The following LEMD1 variants were observed in gnomAD, a reference collection of about 807,000 sequenced individuals.
LEMD1 encodes the protein LEM domain-containing protein 1.
Under a neutral mutation model 17.4 loss-of-function variants are expected in LEMD1, and 18 were observed. That is an observed-to-expected ratio of 1.04 (90% CI 0.72 to 1.54). The LOEUF is 1.54. Among genes scored for constraint, LEMD1 ranks in the 40% most tolerant of loss-of-function variants. The probability of loss-of-function intolerance (pLI) is 0.00; values close to 1 mark genes in which losing one functional copy is unlikely to be tolerated. For synonymous variants in LEMD1, 88 were observed against 77.8 expected, an observed-to-expected ratio of 1.13 and a Z score of -0.69; for missense variants, 195 against 210.4, an observed-to-expected ratio of 0.93 and a Z score of 0.45.
At chr1:205,434,453 C>A (rs1666173949) in intron 1 of LEMD1, among the ~76,000 whole-genome samples, 1 of 151,776 alleles carries the variant, frequency 6.6e-6, no homozygotes, top group Non-Finnish European at 1.5e-5. Context: ...CCTACCTTGG[C>A]CTCACAGGCA....
intron 4 of LEMD1, among the ~76,000 whole-genome samples, chr1:205,414,427 A>AC (rs1183616202): frequency 6.6e-6 from 1 of 151,258 alleles, no homozygotes; most frequent in Non-Finnish European, 1.5e-5. Context: ...CTACAAAAAA[A>AC]AAAAAAGTTT....
intron 1 of LEMD1, chr1:205,437,587 A>G (rs1029743447): frequency 1.3e-5 from 2 of 151,890 alleles, no homozygotes; most frequent in African/African-American, 4.8e-5. Flanking sequence ...ACTTCCATCC[A>G]CCCTCCAGAT....
chr1:205,391,566 T>G (rs1664335201), intron 4 of LEMD1, among the ~76,000 whole-genome samples: 1 of 152,118 alleles, frequency 6.6e-6, no homozygotes, highest in Admixed American at 6.5e-5. Context: ...CCAAGATGCA[T>G]GAGAAGCCTG....
chr1:205,445,288 G>A lies in LEMD1; in HGVS notation c.-39+4580C>T, dbSNP rs73072317. On this transcript the variant is annotated intron_variant, in intron 1 of 3. Transcript: ENST00000367154. ...TCTGGGAACTGTAGTCTACAAGACCGTGTTGATAAACAGGCAGGCCAGGGG... is the reference window on the plus strand; with the variant it reads ...TCTGGGAACTGTAGTCTACAAGACCATGTTGATAAACAGGCAGGCCAGGGG... Among the ~76,000 whole-genome samples, 1,391 of 152,258 alleles carry A rather than the reference G, an allele frequency of 9.1e-3. 23 individuals are homozygous for A. The highest frequency in any genetic ancestry group is 0.03 in the African/African-American group (1,249 of 41,546).
At chr1:205,420,375 C>A in intron 2 of LEMD1, 80 bp downstream of exon 2, 1 of 1,054,746 alleles carries the variant, frequency 9.5e-7, no homozygotes, top group East Asian at 2.4e-5. Context: ...AATGGCTTTA[C>A]TGCATATGTT....
At chr1:205,403,191 G>T (rs1282849182) in intron 4 of LEMD1, among the ~76,000 whole-genome samples, 1 of 152,106 alleles carries the variant, frequency 6.6e-6, no homozygotes, top group African/African-American at 2.4e-5. Flanking sequence ...GCCCGGCTTT[G>T]GTATCAGGAT....
intron 4 of LEMD1, among the ~76,000 whole-genome samples, chr1:205,398,155 A>T (rs1200981633): frequency 1.3e-5 from 2 of 152,208 alleles, no homozygotes; most frequent in African/African-American, 4.8e-5. Flanking sequence ...CGTCAAAGGT[A>T]AGAAGAAAGG....
At chr1:205,405,283 T>C (rs1275846060) in intron 4 of LEMD1, among the ~76,000 whole-genome samples, 2 of 150,504 alleles carry the variant, frequency 1.3e-5, no homozygotes, top group East Asian at 3.8e-4. Context: ...TCCTGGATAA[T>C]ATCCTGCAGA....
In LEMD1 at chr1:205,419,208, G is replaced by A. The variant is rs369694009; in HGVS notation, c.205+22C>T. 47 of 1,611,592 alleles carry A rather than the reference G, an allele frequency of 2.9e-5. No individual in the cohort carries two copies. The African/African-American group carries it at 5.9e-4, about 20-fold the overall frequency. ...TTAATAAGTGCAAAGTTGCCATCTA[G>A]CAGTACAGCTTATGGCGGTACCTTC... On this transcript the variant is annotated intron_variant, in intron 3 of 5. Coordinates refer to ENST00000367153, the MANE Select transcript of LEMD1 (RefSeq NM_001199050.2).
chr1:205,405,219 C>T (rs962050608), intron 4 of LEMD1, among the ~76,000 whole-genome samples: 1 of 151,424 alleles, frequency 6.6e-6, no homozygotes, highest in Admixed American at 6.6e-5. Flanking sequence ...TTGTGGCGTT[C>T]TCTGTATTTC....
intron 4 of LEMD1, among the ~76,000 whole-genome samples, chr1:205,408,049 C>A (rs1449275598): frequency 4.0e-5 from 6 of 151,196 alleles, no homozygotes; most frequent in African/African-American, 1.5e-4. Flanking sequence ...GGCTCCAGAT[C>A]GAAGGAGAAG....
chr1:205,385,838 G>A (rs1663980116), intron 4 of LEMD1: 1 of 152,324 alleles, frequency 6.6e-6, no homozygotes, highest in Non-Finnish European at 1.5e-5. Context: ...GGTGCTGTCA[G>A]AGCCTGCAGG....
chr1:205,433,105 CT>C (rs1387531236), intron 1 of LEMD1, among the ~76,000 whole-genome samples: 1 of 152,196 alleles, frequency 6.6e-6, no homozygotes, highest in Non-Finnish European at 1.5e-5. Context: ...CTCTGAAGCC[CT>C]GGAGCACTTT....
At chr1:205,418,696 A>G (rs1223857102) in intron 3 of LEMD1, among the ~76,000 whole-genome samples, 1 of 152,074 alleles carries the variant, frequency 6.6e-6, no homozygotes, top group African/African-American at 2.4e-5. Context: ...TTGTATTTTT[A>G]GTAGAGACGA....
chr1:205,406,142 C>T (rs1322374225), intron 4 of LEMD1, among the ~76,000 whole-genome samples: 1 of 152,202 alleles, frequency 6.6e-6, no homozygotes, highest in African/African-American at 2.4e-5. Flanking sequence ...TTAGGCTGCT[C>T]GGGGGTCAGG....
intron 4 of LEMD1, chr1:205,386,751 C>T (rs1664050097): frequency 6.6e-6 from 1 of 152,106 alleles, no homozygotes; most frequent in Non-Finnish European, 1.5e-5. Flanking sequence ...ATTTACATAC[C>T]CTTACCACAT....
chr1:205,424,716 G>A (rs1191889593), upstream of LEMD1, among the ~76,000 whole-genome samples: 1 of 152,176 alleles, frequency 6.6e-6, no homozygotes, highest in Non-Finnish European at 1.5e-5. Flanking sequence ...GACATTCTAG[G>A]GTGTAGTGAG....
intron 4 of LEMD1, among the ~76,000 whole-genome samples, chr1:205,399,281 G>A (rs1196590232): frequency 2.0e-5 from 3 of 152,070 alleles, no homozygotes; most frequent in Non-Finnish European, 4.4e-5. Context: ...TCTATAATCA[G>A]AGGATAATGG....
At chr1:205,442,925 A>T (rs1666320068) in intron 1 of LEMD1, among the ~76,000 whole-genome samples, 1 of 152,170 alleles carries the variant, frequency 6.6e-6, no homozygotes. Context: ...TGTCATCCTA[A>T]GCAAGTGGCT....
Sources: allele counts gnomAD v4.1 joint callset (sites outside exome capture counted in the v4.1 genomes callset), GRCh38; gene constraint gnomAD v4.1.1; transcripts MANE v1.5; gene names NCBI Gene and HGNC (gene_info 2026-07-23, HGNC 2026-07-21).